NCOA1: variants seen among roughly 807,000 people sequenced by gnomAD.
NCOA1 encodes the protein nuclear receptor coactivator 1.
NCOA1 carries 35 observed loss-of-function variants against 150.9 expected under a neutral mutation model. That is an observed-to-expected ratio of 0.23 (90% CI 0.18 to 0.31). The LOEUF (loss-of-function observed/expected upper bound fraction) is 0.31, where lower values mean the gene tolerates loss of function less well. Among genes scored for constraint, NCOA1 ranks in the 10% least tolerant of loss-of-function variants. NCOA1 has a pLI of 1.00. For missense variants in NCOA1, 1,491 were observed against 1,749.3 expected, an observed-to-expected ratio of 0.85 and a Z score of 2.63; for synonymous variants, 590 against 630.0, an observed-to-expected ratio of 0.94 and a Z score of 0.95.
chr2:24,658,195 A>G (rs1347885606), intron 4 of NCOA1, among the ~76,000 whole-genome samples: 2 of 152,222 alleles, frequency 1.3e-5, no homozygotes, highest in African/African-American at 4.8e-5. Flanking sequence ...TGTATGTACT[A>G]TTTATCTTCC....
At chr2:24,686,801 T>C (rs1474207961) in intron 8 of NCOA1, among the ~76,000 whole-genome samples, 1 of 152,216 alleles carries the variant, frequency 6.6e-6, no homozygotes, top group Non-Finnish European at 1.5e-5. Context: ...TAGCAGCTTA[T>C]ATTTGAGGGG....
chr2:24,555,935 G>A (rs996990811), intron 1 of NCOA1: 2 of 152,106 alleles, frequency 1.3e-5, no homozygotes, highest in Admixed American at 6.5e-5. Flanking sequence ...ATTGATGTTT[G>A]GATTTAAATG....
intron 3 of NCOA1, among the ~76,000 whole-genome samples, chr2:24,613,198 T>G (rs1668708710): frequency 6.6e-6 from 1 of 152,162 alleles, no homozygotes; most frequent in South Asian, 2.1e-4. Flanking sequence ...TTGGGCAGAT[T>G]TTATATTGGG....
At chr2:24,632,062 T>G (rs1669732056) in intron 3 of NCOA1, among the ~76,000 whole-genome samples, 2 of 152,066 alleles carry the variant, frequency 1.3e-5, no homozygotes, top group South Asian at 4.1e-4. Flanking sequence ...GATTGAGCAC[T>G]TAGTATTGTT....
At chr2:24,562,459 A>C (rs1666328114) in intron 1 of NCOA1, among the ~76,000 whole-genome samples, 1 of 152,214 alleles carries the variant, frequency 6.6e-6, no homozygotes. Flanking sequence ...CTGTATTTTC[A>C]CAATATAAAC....
In NCOA1 at chr2:24,604,033, C is replaced by T. The variant is rs540205777; in HGVS notation, c.-175+19473C>T. ...TGTTATGCTAGCAGGCAGGAAAACA[C>T]ATTAATCTCCTTGTACATCTCCATC... On this transcript the variant is annotated intron_variant, in intron 3 of 22. Coordinates refer to ENST00000348332, the MANE Select transcript of NCOA1 (RefSeq NM_003743.5). 3.3e-5 allele frequency among the ~76,000 whole-genome samples: 5 copies of T among 152,330 alleles called. No individual in the cohort carries two copies. In the East Asian group the frequency reaches 9.6e-4, roughly 29 times the overall value.
At position 24,491,500 on chromosome 2, in the gene NCOA1, GC is replaced by G. The variant is rs1398536374; in HGVS notation, c.-497del. ...CTCCGGAGGAGGGGGCCGGAGAGCC[GC>G]GGCGCCGGGCCCGAGGAGCGGCGGA... On this transcript the variant is annotated 5_prime_UTR_variant, in exon 1 of 23. Transcript: ENST00000348332. 3.4e-3 allele frequency among the ~76,000 whole-genome samples: 2 copies of G among 584 alleles called. No homozygotes were observed. The highest frequency in any genetic ancestry group is 6.3e-3 in the African/African-American group (1 of 160). 0.4% of individuals were successfully genotyped at this position (584 alleles called of 152,430 possible).
At chr2:24,578,859 G>A (rs1667090543) in intron 2 of NCOA1, among the ~76,000 whole-genome samples, 1 of 152,152 alleles carries the variant, frequency 6.6e-6, no homozygotes, top group African/African-American at 2.4e-5. Context: ...AGTAAAAGCT[G>A]AAGACAACCT....
intron 3 of NCOA1, among the ~76,000 whole-genome samples, chr2:24,588,535 C>G (rs1437806292): frequency 6.6e-6 from 1 of 152,170 alleles, no homozygotes. Context: ...CTTTAGCCTG[C>G]TATTATCTCC....
intron 22 of NCOA1, among the ~76,000 whole-genome samples, chr2:24,763,614 C>G (rs1466318761): frequency 1.9e-4 from 24 of 126,506 alleles, no homozygotes; most frequent in African/African-American, 6.2e-4. Context: ...TGGTCTCTCT[C>G]TCTTTTTTTT....
chr2:24,763,557 A>T (rs866714838), intron 22 of NCOA1, among the ~76,000 whole-genome samples: 491 of 131,986 alleles, frequency 3.7e-3, no homozygotes, highest in Middle Eastern at 8.1e-3. Flanking sequence ...AAAAAAAAAA[A>T]TTTTGGAGGA....
At chr2:24,533,157 A>T (rs1442858624) in intron 1 of NCOA1, among the ~76,000 whole-genome samples, 2 of 152,134 alleles carry the variant, frequency 1.3e-5, no homozygotes, top group Non-Finnish European at 1.5e-5. Context: ...GTCCTTGAAG[A>T]GGTCCTTCAC....
At position 24,706,647 on chromosome 2, in the gene NCOA1, A is replaced by G. The variant is rs758276382; in HGVS notation, c.1177A>G (p.Ser393Gly). ...CCGAGTAAATCCCTCGGTCAATCCT[A>G]GTATCTCTCCAGCTCATGGTGTGGC... is the stretch of plus-strand genomic sequence containing the variant. ...IPRVNPSVNP[S>G]ISPAHGVARS... Residue 393 changes from serine (S) to glycine (G), a missense_variant, in exon 13 of 23, where the codon AGT (serine) becomes GGT (glycine). Ser to Gly is a moderately conservative substitution (Grantham distance 56, BLOSUM62 0). Transcript: ENST00000348332. 1.4e-5 allele frequency: 22 copies of G among 1,614,220 alleles called. No homozygotes were observed. Among genetic ancestry groups the G allele is most frequent in the Middle Eastern group, 3.3e-4 (2 of 6,062 alleles).
chr2:24,634,402 A>T (rs962116480), intron 3 of NCOA1, among the ~76,000 whole-genome samples: 3 of 152,204 alleles, frequency 2.0e-5, no homozygotes, highest in Non-Finnish European at 2.9e-5. Flanking sequence ...ACTCCAAAAT[A>T]ACAAACAAGA....
At chr2:24,582,447 T>G (rs1280571111) in intron 2 of NCOA1, among the ~76,000 whole-genome samples, 1 of 152,064 alleles carries the variant, frequency 6.6e-6, no homozygotes, top group African/African-American at 2.4e-5. Flanking sequence ...TGAAATAAAT[T>G]GAAGAGGTCC....
intron 1 of NCOA1, among the ~76,000 whole-genome samples, chr2:24,537,461 GTA>G (rs568823635): frequency 5.0e-4 from 75 of 150,910 alleles, no homozygotes; most frequent in African/African-American, 1.8e-3. Flanking sequence ...ATTTGTGTGT[GTA>G]TATATATATA....
At chr2:24,642,575 T>G (rs887871745) in intron 3 of NCOA1, among the ~76,000 whole-genome samples, 2 of 152,174 alleles carry the variant, frequency 1.3e-5, no homozygotes, top group Non-Finnish European at 2.9e-5. Context: ...AGTAGACAGC[T>G]AAATTACTGG....
At chr2:24,538,552 A>T (rs1227634723) in intron 1 of NCOA1, among the ~76,000 whole-genome samples, 1 of 152,208 alleles carries the variant, frequency 6.6e-6, no homozygotes. Context: ...GAGAGCTTGG[A>T]TGCGATGTTC....
intron 22 of NCOA1, among the ~76,000 whole-genome samples, chr2:24,765,233 G>GTGGCTCACGCCTGTAATCCCAA (rs1664998679): frequency 6.6e-6 from 1 of 151,946 alleles, no homozygotes; most frequent in African/African-American, 2.4e-5. Flanking sequence ...GCCGGGTGCG[G>GTGGCTCACGCCTGTAATCCCAA]TGGCTCACGC....
Sources: gnomAD v4.1 joint callset for allele counts (sites outside exome capture counted in the v4.1 genomes callset) on GRCh38, gnomAD v4.1.1 for gene constraint, MANE v1.5 for transcripts, NCBI Gene and HGNC (gene_info 2026-07-23, HGNC 2026-07-21) for gene names.